Variants in ELMO2 observed in about 807,000 individuals in gnomAD.
The protein encoded by ELMO2 is engulfment and cell motility protein 2.
ELMO2 carries 37 observed loss-of-function variants against 96.2 expected under a neutral mutation model. The ratio of observed to expected loss-of-function variants is 0.38; its 90% CI spans 0.30 to 0.51. The LOEUF (loss-of-function observed/expected upper bound fraction) is 0.51, where lower values mean the gene tolerates loss of function less well. Among genes scored for constraint, ELMO2 ranks in the 20% least tolerant of loss-of-function variants. The pLI is 0.88. For synonymous variants in ELMO2, 315 were observed against 329.4 expected (o/e 0.96, Z 0.47); for missense variants, 561 against 912.6 (o/e 0.61, Z 4.96).
At chr20:46,389,911 T>C (rs953006785) in intron 6 of ELMO2, among the ~76,000 whole-genome samples, 8 of 151,972 alleles carry the variant, frequency 5.3e-5, no homozygotes, top group African/African-American at 1.7e-4. Context: ...TCCCAGCACT[T>C]TGGGAGGCCA....
At chr20:46,377,075 T>C (rs555570490) in intron 11 of ELMO2, 1 of 270,950 alleles carries the variant, frequency 3.7e-6, no homozygotes, top group Non-Finnish European at 7.2e-6. Context: ...TAAAGCTCCT[T>C]CTAACTTTGG....
At position 46,367,515 on chromosome 20, in the gene ELMO2, T is replaced by C. The variant is rs144087106; in HGVS notation, c.2008A>G (p.Met670Val). 1 of 1,613,542 alleles carries C rather than the reference T, an allele frequency of 6.2e-7. No homozygotes were observed. Among genetic ancestry groups the C allele is most frequent in the African/African-American group, 1.3e-5 (1 of 74,960 alleles). ...DGLSALLGKD[M>V]SSELTKSDLD... ...TCACTCTTGGTCAGCTCACTGGACA[T>C]GTCCTTCCCCAGAAGGGCACTGAGG... Residue 670 changes from methionine (M) to valine (V), a missense_variant, in exon 22 of 22, where the codon ATG becomes GTG. Met to Val is a conservative substitution (Grantham distance 21). Transcript: ENST00000290246.
At chr20:46,367,967 C>G (rs1027522727) in intron 21 of ELMO2, among the ~76,000 whole-genome samples, 31 of 151,896 alleles carry the variant, frequency 2.0e-4, no homozygotes, top group Non-Finnish European at 1.0e-4. Flanking sequence ...CCCGCCCCCC[C>G]GAAAACAAAA....
intron 20 of ELMO2, chr20:46,369,721 C>A (rs555281433): frequency 1.7e-3 from 269 of 158,404 alleles, no homozygotes; most frequent in Non-Finnish European, 2.9e-3. Context: ...TGAACTGGAT[C>A]AAACCTCTAG....
intron 1 of ELMO2, among the ~76,000 whole-genome samples, chr20:46,399,510 T>G (rs2060301232): frequency 6.6e-6 from 1 of 152,216 alleles, no homozygotes; most frequent in Admixed American, 6.5e-5. Context: ...CTTTCTCTAC[T>G]TTCCCTGGCA....
intron 7 of ELMO2, chr20:46,387,887 T>G (rs1179003598): frequency 6.5e-6 from 1 of 153,300 alleles, no homozygotes; most frequent in Admixed American, 6.5e-5. Flanking sequence ...TTTTATCTTT[T>G]CAAAATTCAA....
In ELMO2 at chr20:46,380,252, C is replaced by A; in HGVS notation, c.807+1G>T. Reference sequence around the variant, plus strand: ...AAATACAGCATGTTCCAGGAACTCACATTCAGGATTATAGACCGGAGATGC... The same window carrying A: ...AAATACAGCATGTTCCAGGAACTCAAATTCAGGATTATAGACCGGAGATGC... On this transcript the variant is annotated splice_donor_variant, in intron 11 of 21. Coordinates refer to ENST00000290246, the MANE Select transcript of ELMO2 (RefSeq NM_133171.5). LOFTEE classifies it high-confidence loss of function. 1 of 1,611,890 alleles carries A rather than the reference C, an allele frequency of 6.2e-7. No homozygotes were observed. Among genetic ancestry groups the A allele is most frequent in the Non-Finnish European group, 8.5e-7 (1 of 1,178,306 alleles).
intron 2 of ELMO2, among the ~76,000 whole-genome samples, chr20:46,397,692 C>T (rs2060270184): frequency 1.3e-5 from 2 of 152,064 alleles, no homozygotes; most frequent in African/African-American, 4.8e-5. Flanking sequence ...CACATACATA[C>T]ATACAAACAA....
rs1211865027 is a variant in ELMO2 at position 46,373,549 on chromosome 20, A to G, written c.1280-14T>C. 9 of 1,613,414 alleles carry G rather than the reference A, an allele frequency of 5.6e-6. No homozygotes were observed. Among genetic ancestry groups the G allele is most frequent in the Non-Finnish European group, 7.6e-6 (9 of 1,179,386 alleles). On this transcript the variant is annotated splice_polypyrimidine_tract_variant and intron_variant, in intron 15 of 21. Transcript: ENST00000290246. ...GTCCTTCATTTGCTGTGGAAGTGAA[A>G]AAACAGGGAGAAGATGAAGCCTCTG...
At chr20:46,373,884 C>A (rs2059788556) in intron 15 of ELMO2, among the ~76,000 whole-genome samples, 1 of 148,340 alleles carries the variant, frequency 6.7e-6, no homozygotes, top group East Asian at 2.0e-4. Context: ...AAACAAAAAA[C>A]AAAATTAAAA....
chr20:46,376,882 A>C, intron 11 of ELMO2: 1 of 1,179,990 alleles, frequency 8.5e-7, no homozygotes, highest in Non-Finnish European at 1.1e-6. Flanking sequence ...AATCAGTTAA[A>C]ACAAATTTAA....
intron 10 of ELMO2, among the ~76,000 whole-genome samples, chr20:46,381,099 A>T (rs538092678): frequency 3.9e-5 from 6 of 152,338 alleles, no homozygotes; most frequent in African/African-American, 1.4e-4. Flanking sequence ...ACTGCTAAGG[A>T]GTCGGCTTCA....
rs1192428312 is a variant in ELMO2 at position 46,371,642 on chromosome 20, G to A, written c.1630C>T (p.Gln544Ter). 1 of 1,612,378 alleles carries A rather than the reference G, an allele frequency of 6.2e-7. No individual in the cohort carries two copies. The highest frequency in any genetic ancestry group is 1.1e-5 in the South Asian group (1 of 90,832). ...CCCTCACAGAGCCGGTTCAGGCGCTGCTGCTTGATCAGCTCAAGGATCTCG... is the reference window on the plus strand; with the variant it reads ...CCCTCACAGAGCCGGTTCAGGCGCTACTGCTTGATCAGCTCAAGGATCTCG... The part of the protein sequence containing the change: ...QPEILELIKQ[Q>*]RLNRLCEGSS... The change falls in exon 18 of 22, where the codon CAG becomes TAG. Residue 544 changes from glutamine to a stop codon, truncating the protein, a stop_gained. Coordinates refer to ENST00000290246, the MANE Select transcript of ELMO2 (RefSeq NM_133171.5). LOFTEE classifies it high-confidence loss of function. This position sits in a 1 kb window ranked among gnomAD's most constrained non-coding sequence, Gnocchi z 5.9.
intron 16 of ELMO2, 144 bp from the exon 17 acceptor site, chr20:46,372,113 C>T (rs1017160295): frequency 1.1e-5 from 10 of 894,102 alleles, no homozygotes; most frequent in Admixed American, 5.4e-5. Context: ...TAAGGTATAC[C>T]TTCTTAGATG....
intron 19 of ELMO2, among the ~76,000 whole-genome samples, chr20:46,370,945 A>G (rs556939753): frequency 1.3e-5 from 2 of 152,326 alleles, no homozygotes; most frequent in Admixed American, 6.5e-5. Flanking sequence ...TACTCATGCA[A>G]TCCTCTTAGG....
intron 7 of ELMO2, chr20:46,387,935 T>TA (rs1282067343): frequency 2.0e-5 from 3 of 153,118 alleles, no homozygotes; most frequent in Non-Finnish European, 4.4e-5. Context: ...CTCACAGCGT[T>TA]AACCTCACAG....
intron 10 of ELMO2, among the ~76,000 whole-genome samples, chr20:46,381,322 G>A (rs2059950649): frequency 6.6e-6 from 1 of 152,150 alleles, no homozygotes; most frequent in African/African-American, 2.4e-5. Context: ...TTTCTAAACT[G>A]CTGCCTTCAT....
intron 15 of ELMO2, among the ~76,000 whole-genome samples, chr20:46,373,927 CT>C (rs3091499): frequency 0.93 from 118,107 of 126,574 alleles, 55,227 homozygotes; most frequent in South Asian, 0.97. Flanking sequence ...CCACTGACAT[CT>C]TTTTTTTTTT....
chr20:46,377,733 C>T (rs1399696161), intron 11 of ELMO2, among the ~76,000 whole-genome samples: 4 of 152,224 alleles, frequency 2.6e-5, no homozygotes, highest in Non-Finnish European at 5.9e-5. Context: ...AGCTCCCGCC[C>T]TGTCACAGGC....
Sources: gnomAD v4.1 joint callset for allele counts (sites outside exome capture counted in the v4.1 genomes callset) on GRCh38, gnomAD v4.1.1 for gene constraint, Gnocchi (gnomAD v3.1) non-coding constraint, MANE v1.5 for transcripts, NCBI Gene and HGNC (gene_info 2026-07-23, HGNC 2026-07-21) for gene names.